AP5Z1: variants seen among roughly 807,000 people sequenced by gnomAD.
AP5Z1 encodes AP-5 complex subunit zeta-1.
AP5Z1 carries 106 observed loss-of-function variants against 83.0 expected under a neutral mutation model. That is an observed-to-expected ratio of 1.28 (90% confidence interval 1.09 to 1.50). The LOEUF (loss-of-function observed/expected upper bound fraction) is 1.50, where lower values mean the gene tolerates loss of function less well. Among genes scored for constraint, AP5Z1 ranks in the 40% most tolerant of loss-of-function variants. The probability of loss-of-function intolerance (pLI) is 0.00; values close to 1 mark genes in which losing one functional copy is unlikely to be tolerated. For synonymous variants in AP5Z1, 751 were observed against 514.1 expected, an observed-to-expected ratio of 1.46 and a Z score of -6.23; for missense variants, 1,565 against 1,094.2, an observed-to-expected ratio of 1.43 and a Z score of -6.07.
chr7:4,789,725 G>A (rs1016951454), intron 13 of AP5Z1, 107 bp from the exon 14 acceptor site: 16 of 763,812 alleles, frequency 2.1e-5, no homozygotes, highest in Non-Finnish European at 3.1e-5. Flanking sequence ...TGGACGAGGA[G>A]TCTCCAGCCC....
chr7:4,787,704 G>T lies in AP5Z1; in HGVS notation c.1382G>T (p.Gly461Val). ...VALLPALVDA[G>V]TALEMLHALL... ...CTCCTCCCGGCCCTGGTGGACGCTG[G>T]CACAGCCCTGGAGATGCTGCACGCG... The change falls in exon 11 of 17, where the codon GGC (glycine) becomes GTC (valine). Residue 461 changes from glycine (G) to valine (V), a missense_variant. Transcript: ENST00000649063. 1 of 1,551,402 alleles carries T rather than the reference G, an allele frequency of 6.4e-7. No homozygotes were observed.
rs1781877451 is a variant in AP5Z1, at chr7:4,794,121, G to A, written c.*2736G>A. 6.6e-6 allele frequency: 1 copy of A among 152,296 alleles called. No homozygotes were observed. The highest frequency in any genetic ancestry group is 1.5e-5 in the Non-Finnish European group (1 of 68,142). The allele number at this position is 152,296 out of a possible 1,614,324, so 9.4% of individuals were successfully genotyped here. ...TAGACACTCTGTATCTAGCTACTCTGGTGGGGACTTGGAAAACCTTTTTGT... is the reference window on the plus strand; with the variant it reads ...TAGACACTCTGTATCTAGCTACTCTAGTGGGGACTTGGAAAACCTTTTTGT... On this transcript the variant is annotated 3_prime_UTR_variant, in exon 17 of 17. Transcript: ENST00000649063.
Position 4,791,421 on chromosome 7 carries a change from A to T in AP5Z1, c.*36A>T. 1 of 1,561,146 alleles carries T rather than the reference A, an allele frequency of 6.4e-7. No individual in the cohort carries two copies. The highest frequency in any genetic ancestry group is 1.4e-5 in the African/African-American group (1 of 73,994). ...GCCAGGGACTTCGGTGCAGATTAAG[A>T]GCCTGGGCAGCCAGCTTGCTACTGA... On this transcript the variant is annotated 3_prime_UTR_variant, in exon 17 of 17. Transcript: ENST00000649063.
chr7:4,779,304 T>C (rs1781311908), intron 1 of AP5Z1, among the ~76,000 whole-genome samples: 1 of 146,752 alleles, frequency 6.8e-6, no homozygotes, highest in Non-Finnish European at 1.5e-5. Flanking sequence ...ACAACATATA[T>C]AACGTATATA....
At chr7:4,779,427 C>G (rs1430098628) in intron 1 of AP5Z1, among the ~76,000 whole-genome samples, 1 of 143,786 alleles carries the variant, frequency 7.0e-6, no homozygotes, top group African/African-American at 2.6e-5. Flanking sequence ...ACATATATAT[C>G]ATATATAACA....
At chr7:4,786,584 T>TG (rs1439028087) in intron 10 of AP5Z1, among the ~76,000 whole-genome samples, 156 bp downstream of exon 10, 1 of 152,110 alleles carries the variant, frequency 6.6e-6, no homozygotes, top group Non-Finnish European at 1.5e-5. Context: ...GGTGGGGATC[T>TG]GGGGTGTCCC....
At position 4,788,298 on chromosome 7, in the gene AP5Z1, C is replaced by CG; in HGVS notation, c.1595+8dup. 1 of 1,583,642 alleles carries CG rather than the reference C, an allele frequency of 6.3e-7. No homozygotes were observed. The highest frequency in any genetic ancestry group is 8.6e-7 in the Non-Finnish European group (1 of 1,166,374). The stretch of plus-strand genomic sequence containing the variant: ...AGGCCAGTGGCGCCACTGAGAGGTA[C>CG]GGGGCCCTAGGGCCAGGGGGCCACC... On this transcript the variant is annotated splice_donor_region_variant and intron_variant, in intron 12 of 16. Transcript: ENST00000649063.
intron 1 of AP5Z1, among the ~76,000 whole-genome samples, chr7:4,778,710 T>C (rs1781286568): frequency 6.7e-6 from 1 of 149,186 alleles, no homozygotes; most frequent in Non-Finnish European, 1.5e-5. Context: ...CCATTGTGTG[T>C]ATATATGTAT....
Position 4,790,141 on chromosome 7 carries a change from C to T in AP5Z1, c.1805+212C>T, listed in dbSNP as rs73671927. On this transcript the variant is annotated intron_variant, in intron 14 of 16. Transcript: ENST00000649063. ...AGAACATTCCCGTCCTTCTTTCTGC[C>T]GAGCCTGTCCTCTTCAGGGTTAGCT... is the stretch of plus-strand genomic sequence containing the variant. 2.1e-3 allele frequency: 3,015 copies of T among 1,466,856 alleles called. 54 individuals carry two copies. In the African/African-American group the frequency reaches 0.036, roughly 18 times the overall value. The allele number at this position is 1,466,856 out of a possible 1,614,324, so 90.9% of individuals were successfully genotyped here.
chr7:4,782,905 C>G (rs555204493), intron 3 of AP5Z1, among the ~76,000 whole-genome samples: 18 of 152,282 alleles, frequency 1.2e-4, no homozygotes, highest in African/African-American at 3.6e-4. Flanking sequence ...ACGGCCCTGC[C>G]CCTGTGCTGG....
Position 4,786,272 on chromosome 7 carries a change from G to A in AP5Z1, c.1155G>A (p.Ser385=), listed in dbSNP as rs370926189. 5.4e-4 allele frequency: 876 copies of A among 1,610,320 alleles called. No individual in the cohort carries two copies. The highest frequency in any genetic ancestry group is 3.1e-3 in the African/African-American group (235 of 74,950). Residue 385 remains serine, a synonymous_variant, in exon 10 of 17, where the codon TCG becomes TCA. Transcript: ENST00000649063. ...CAGGGGAAGCGGCTGCAGTGGACTC[G>A]GAAGCCGTCTACCAGCACCTGTTCA... ...LSHGEAAAVD[S]EAVYQHLFTR... is the part of the protein sequence containing the mutation.
rs138083721 is a variant in AP5Z1, at chr7:4,790,919, G to A, written c.2153+32G>A. The A allele has an allele frequency of 8.3e-4, 1,293 of 1,551,538 alleles. 2 individuals carry two copies. The highest frequency in any genetic ancestry group is 7.9e-3 in the Middle Eastern group (43 of 5,432). ...GGTCAGGGAGGGAGCGAAGCCTTCT[G>A]GCTCCTGGGGAAGAGAGGTGGCTTC... On this transcript the variant is annotated intron_variant, in intron 16 of 16. Transcript: ENST00000649063.
chr7:4,785,293 TG>T (rs1280742541), intron 7 of AP5Z1, 121 bp from the exon 8 acceptor site: 2 of 1,382,384 alleles, frequency 1.4e-6, no homozygotes, highest in Non-Finnish European at 9.7e-7. Context: ...CAAGTCCTCC[TG>T]GGGGCCTGTC....
At chr7:4,779,428 A>C (rs1781320299) in intron 1 of AP5Z1, among the ~76,000 whole-genome samples, 1 of 145,152 alleles carries the variant, frequency 6.9e-6, no homozygotes, top group African/African-American at 2.6e-5. Flanking sequence ...CATATATATC[A>C]TATATAACAT....
chr7:4,790,804 G>A lies in AP5Z1; in HGVS notation c.2070G>A (p.Leu690=), dbSNP rs755539164. ...EVTQCRPSAA[L]PRCPPQVVTV... The stretch of plus-strand genomic sequence containing the variant: ...CCCAGTGCCGCCCCTCTGCTGCCCT[G>A]CCCAGGTGTCCCCCCCAGGTGGTCA... The change falls in exon 16 of 17, where the codon CTG becomes CTA. Residue 690 remains leucine (L), a synonymous_variant. Coordinates refer to ENST00000649063, the MANE Select transcript of AP5Z1 (RefSeq NM_014855.3). 6.2e-6 allele frequency: 10 copies of A among 1,609,086 alleles called. No individual in the cohort carries two copies. In the African/African-American group the frequency reaches 1.2e-4, roughly 19 times the overall value.
At position 4,781,188 on chromosome 7, in the gene AP5Z1, G is replaced by T. The variant is rs548498106; in HGVS notation, c.55G>T (p.Glu19Ter). 1 of 1,613,572 alleles carries T rather than the reference G, an allele frequency of 6.2e-7. No homozygotes were observed. The highest frequency in any genetic ancestry group is 1.7e-5 in the Admixed American group (1 of 60,008). ...TTCTTTGTTTAGGGAGATCCAGGAC[G>T]AGGAGCTGAAGAAGTTCTGTTCCCG... Reference protein sequence around the residue: ...LLHQAREIQDEELKKFCSRIC... With the variant: ...LLHQAREIQD Residue 19 changes from glutamate (E) to a stop codon, truncating the protein, a stop_gained, in exon 2 of 17, where the codon GAG becomes TAG. Coordinates refer to ENST00000649063, the MANE Select transcript of AP5Z1 (RefSeq NM_014855.3). LOFTEE classifies it high-confidence loss of function.
At position 4,791,304 on chromosome 7, in the gene AP5Z1, C is replaced by A; in HGVS notation, c.2343C>A (p.Arg781=). The A allele has an allele frequency of 6.2e-7, 1 of 1,612,346 alleles. No homozygotes were observed. The highest frequency in any genetic ancestry group is 8.5e-7 in the Non-Finnish European group (1 of 1,179,756). ...AGGTGTGCAGCCCCCGCTATCACCG[C>A]GATGCCAACACGGCCCTGCCCCTGG... ...STEVCSPRYH[R]DANTALPLAL... is the part of the protein sequence containing the mutation. The change falls in exon 17 of 17, where the codon CGC becomes CGA. Residue 781 remains arginine (R), a synonymous_variant. Coordinates refer to ENST00000649063, the MANE Select transcript of AP5Z1 (RefSeq NM_014855.3).
In AP5Z1 at chr7:4,785,151, A is replaced by AG. The variant is rs916491063; in HGVS notation, c.931+108dup. 48 of 1,492,068 alleles carry AG rather than the reference A, an allele frequency of 3.2e-5. No individual in the cohort carries two copies. In the Admixed American group the frequency reaches 7.4e-4, roughly 23 times the overall value. 92.4% of individuals were successfully genotyped at this position (1,492,068 alleles called of 1,614,324 possible). A position where few individuals can be genotyped will look rare whatever the true frequency, so the allele number is the denominator to read the frequency against. The stretch of plus-strand genomic sequence containing the variant: ...GCTTCCCTGAGCTACTGCTCCACAG[A>AG]GGGGGTCCCTGGGTAGCCGGTTTGG... On this transcript the variant is annotated intron_variant, in intron 7 of 16. Coordinates refer to ENST00000649063, the MANE Select transcript of AP5Z1 (RefSeq NM_014855.3).
chr7:4,786,120 C>G (rs978977012), intron 9 of AP5Z1, 130 bp from the exon 10 acceptor site: 4 of 938,584 alleles, frequency 4.3e-6, no homozygotes, highest in African/African-American at 3.3e-5. Flanking sequence ...CCCCAGCGTC[C>G]CAGCGTAGGA....
Sources: allele counts gnomAD v4.1 joint callset (sites outside exome capture counted in the v4.1 genomes callset), GRCh38; gene constraint gnomAD v4.1.1; transcripts MANE v1.5; gene names NCBI Gene and HGNC (gene_info 2026-07-23, HGNC 2026-07-21).